The following ASCC3 variants were observed in gnomAD, a reference collection of about 807,000 sequenced individuals.
The protein encoded by ASCC3 is activating signal cointegrator 1 complex subunit 3.
In ASCC3, 158 loss-of-function variants were observed where a neutral mutation model predicts 256.3. That is an observed-to-expected ratio of 0.62 (90% CI 0.54 to 0.70). The LOEUF (loss-of-function observed/expected upper bound fraction) is 0.70, where lower values mean the gene tolerates loss of function less well. ASCC3 is among the 30% of genes least tolerant of loss of function. ASCC3 has a pLI of 0.00. For synonymous variants in ASCC3, 948 were observed against 883.4 expected, an observed-to-expected ratio of 1.07 and a Z score of -1.30; for missense variants, 2,259 against 2,626.0, an observed-to-expected ratio of 0.86 and a Z score of 3.05.
intron 3 of ASCC3, among the ~76,000 whole-genome samples, chr6:100,849,285 A>G (rs1310409729): frequency 6.6e-6 from 1 of 152,198 alleles, no homozygotes; most frequent in African/African-American, 2.4e-5. Flanking sequence ...CTTCTTTCTA[A>G]AAACAACTTG....
intron 13 of ASCC3, among the ~76,000 whole-genome samples, chr6:100,697,510 T>C (rs1778150800): frequency 6.6e-6 from 1 of 151,722 alleles, no homozygotes; most frequent in Non-Finnish European, 1.5e-5. Context: ...TCTAATTTTA[T>C]ATAAGTTCCT....
chr6:100,811,602 G>A (rs1770472146), intron 4 of ASCC3, among the ~76,000 whole-genome samples: 1 of 151,840 alleles, frequency 6.6e-6, no homozygotes, highest in Admixed American at 6.6e-5. Context: ...TCTTTAACAA[G>A]AGAAAGAAAA....
chr6:100,740,143 A>G (rs1374236924), intron 10 of ASCC3, among the ~76,000 whole-genome samples: 3 of 152,152 alleles, frequency 2.0e-5, no homozygotes, highest in Non-Finnish European at 4.4e-5. Flanking sequence ...CTTTGTTCTC[A>G]TAATTTTGAA....
intron 25 of ASCC3, among the ~76,000 whole-genome samples, chr6:100,634,864 C>CAAAAAAAAAAAAAAAAAAAAAAAAAA (rs199632200): frequency 8.4e-6 from 1 of 119,288 alleles, no homozygotes; most frequent in Non-Finnish European, 1.7e-5. Flanking sequence ...CCTCAAAAAA[C>CAAAAAAAAAAAAAAAAAAAAAAAAAA]AAAAAAAAAA....
At chr6:100,852,839 TG>T (rs1254255057) in intron 3 of ASCC3, among the ~76,000 whole-genome samples, 1 of 152,186 alleles carries the variant, frequency 6.6e-6, no homozygotes, top group Non-Finnish European at 1.5e-5. Flanking sequence ...TCTACCCACC[TG>T]GCACTTCAAC....
chr6:100,584,492 G>A (rs1185349309), intron 36 of ASCC3, among the ~76,000 whole-genome samples: 1 of 152,122 alleles, frequency 6.6e-6, no homozygotes, highest in African/African-American at 2.4e-5. Context: ...CTGCACGTGA[G>A]ATGGGTTTCC....
intron 24 of ASCC3, among the ~76,000 whole-genome samples, chr6:100,639,687 G>T (rs922002361): frequency 1.3e-5 from 2 of 152,166 alleles, no homozygotes; most frequent in African/African-American, 4.8e-5. Context: ...CTTAAAAAAT[G>T]TCTTTAAAAG....
intron 13 of ASCC3, among the ~76,000 whole-genome samples, chr6:100,710,857 G>A (rs982662933): frequency 3.3e-5 from 5 of 151,806 alleles, no homozygotes; most frequent in South Asian, 4.2e-4. Context: ...TAACAAATAC[G>A]TTTCAATAAT....
intron 37 of ASCC3, among the ~76,000 whole-genome samples, chr6:100,531,967 G>A (rs894712620): frequency 6.6e-6 from 1 of 151,724 alleles, no homozygotes; most frequent in African/African-American, 2.4e-5. Flanking sequence ...TAGGCATGAG[G>A]GTTTATTTTT....
At chr6:100,525,255 A>C (rs1774523796) in intron 37 of ASCC3, among the ~76,000 whole-genome samples, 1 of 151,850 alleles carries the variant, frequency 6.6e-6, no homozygotes, top group African/African-American at 2.4e-5. Context: ...ATGTCTGTTC[A>C]AATTAAATGA....
At position 100,580,370 on chromosome 6, in the gene ASCC3, T is replaced by G. The variant is rs143572582; in HGVS notation, c.5550+9264A>C. Among the ~76,000 whole-genome samples, 71 of 152,154 alleles carry G rather than the reference T, an allele frequency of 4.7e-4. 1 individual carries two copies. The East Asian group carries it at 6.0e-3, about 13-fold the overall frequency. ...GAAGGTACCATCAGTTAGGACTAGA[T>G]ACAATCAAGAGATCATCACTTGAAA... is the stretch of plus-strand genomic sequence containing the variant. On this transcript the variant is annotated intron_variant, in intron 36 of 41. Coordinates refer to ENST00000369162, the MANE Select transcript of ASCC3 (RefSeq NM_006828.4).
intron 14 of ASCC3, among the ~76,000 whole-genome samples, chr6:100,676,196 T>C (rs1454950818): frequency 1.3e-5 from 2 of 152,140 alleles, no homozygotes; most frequent in East Asian, 1.9e-4. Flanking sequence ...TAGTTACTAG[T>C]ATATATATTT....
intron 10 of ASCC3, among the ~76,000 whole-genome samples, chr6:100,727,856 A>C (rs1779713617): frequency 6.6e-6 from 1 of 152,134 alleles, no homozygotes; most frequent in African/African-American, 2.4e-5. Context: ...GAAAAGTGGC[A>C]GTAGGGATCA....
At chr6:100,729,072 G>C (rs1457099084) in intron 10 of ASCC3, among the ~76,000 whole-genome samples, 3 of 152,094 alleles carry the variant, frequency 2.0e-5, no homozygotes, top group African/African-American at 7.2e-5. Flanking sequence ...ACAAATCAGG[G>C]AAGGCTGATA....
chr6:100,838,805 A>G (rs892505734), intron 4 of ASCC3, among the ~76,000 whole-genome samples: 1 of 152,054 alleles, frequency 6.6e-6, no homozygotes, highest in Non-Finnish European at 1.5e-5. Context: ...TCTGATATTA[A>G]TTGTCTCAGA....
intron 36 of ASCC3, among the ~76,000 whole-genome samples, chr6:100,579,152 C>T (rs1333904756): frequency 4.7e-5 from 7 of 148,862 alleles, no homozygotes; most frequent in Admixed American, 1.3e-4. Flanking sequence ...TCTGTTCATT[C>T]ATCTCCTTTG....
intron 25 of ASCC3, among the ~76,000 whole-genome samples, chr6:100,632,100 TTAA>T (rs200008067): frequency 0.016 from 2,302 of 147,836 alleles, 23 homozygotes; most frequent in East Asian, 0.045. Context: ...ACTGTTAGAA[TTAA>T]TAAACAAATT....
intron 30 of ASCC3, among the ~76,000 whole-genome samples, 164 bp from the exon 31 acceptor site, chr6:100,607,252 T>G (rs1191936951): frequency 6.6e-6 from 1 of 152,120 alleles, no homozygotes; most frequent in Non-Finnish European, 1.5e-5. Flanking sequence ...CTGAAAAGAA[T>G]ATCTACTTGG....
chr6:100,553,861 T>C (rs1168626679), intron 36 of ASCC3, among the ~76,000 whole-genome samples: 1 of 152,024 alleles, frequency 6.6e-6, no homozygotes, highest in Non-Finnish European at 1.5e-5. Context: ...AAGAAAAAAA[T>C]ATTTAGCCTA....
Sources: allele counts gnomAD v4.1 joint callset (sites outside exome capture counted in the v4.1 genomes callset), GRCh38; gene constraint gnomAD v4.1.1; transcripts MANE v1.5; gene names NCBI Gene and HGNC (gene_info 2026-07-23, HGNC 2026-07-21).